SPRED2: variants seen among roughly 807,000 people sequenced by gnomAD.
SPRED2 encodes the protein sprouty-related, EVH1 domain-containing protein 2.
A neutral mutation model predicts 43.0 loss-of-function variants in SPRED2; 47 were observed. The ratio of observed to expected loss-of-function variants is 1.09; its 90% confidence interval spans 0.87 to 1.40. The LOEUF (loss-of-function observed/expected upper bound fraction) is 1.40. Among genes scored for constraint, SPRED2 ranks in the 40% most tolerant of loss-of-function variants. The pLI, the probability that SPRED2 is intolerant of heterozygous loss-of-function variation, is 0.00. For synonymous variants in SPRED2, 225 were observed against 225.7 expected (o/e 1.00, Z 0.03); for missense variants, 561 against 586.4 (o/e 0.96, Z 0.45).
chr2:65,431,894 C>T (rs1418834225), intron 1 of SPRED2, 68 bp downstream of exon 1: 20 of 1,583,536 alleles, frequency 1.3e-5, no homozygotes, highest in African/African-American at 2.7e-5. Flanking sequence ...TCCCCGCCCG[C>T]ATCCTCAGCC....
At chr2:65,329,036 A>G (rs753118616) in intron 4 of SPRED2, among the ~76,000 whole-genome samples, 2 of 152,160 alleles carry the variant, frequency 1.3e-5, no homozygotes, top group Non-Finnish European at 2.9e-5. Flanking sequence ...CAAAACCAAC[A>G]TTGTCTTGGT....
At chr2:65,325,546 T>C (rs1673585292) in intron 4 of SPRED2, among the ~76,000 whole-genome samples, 1 of 152,196 alleles carries the variant, frequency 6.6e-6, no homozygotes, top group Admixed American at 6.5e-5. Flanking sequence ...CCAAGGTCTG[T>C]TTGAGCCCTA....
intron 1 of SPRED2, among the ~76,000 whole-genome samples, chr2:65,418,198 G>A (rs963445820): frequency 4.6e-5 from 7 of 152,268 alleles, no homozygotes; most frequent in East Asian, 3.9e-4. Flanking sequence ...TCACTTCATC[G>A]TCTCTTTGTT....
chr2:65,344,854 T>A lies in SPRED2; in HGVS notation c.69A>T (p.Arg23Ser), dbSNP rs1226093734. ...IVRVKAVVMTRDDSSGGWFPQ... is the reference protein window; with the variant it reads ...IVRVKAVVMTSDDSSGGWFPQ... ...GGAACCATCCCCCGCTGGAGTCATC[T>A]CTGGTCATAACCACAGCCTTGACAC... Residue 23 changes from arginine (R) to serine (S), a missense_variant, in exon 2 of 6, where the codon AGA becomes AGT. This residue lies in a region of SPRED2 where 305 missense variants were observed against 282.4 expected (regional missense o/e 1.08). Transcript: ENST00000356388. 6.2e-7 allele frequency: 1 copy of A among 1,614,042 alleles called. No individual in the cohort carries two copies. The highest frequency in any genetic ancestry group is 8.5e-7 in the Non-Finnish European group (1 of 1,180,034).
intron 4 of SPRED2, among the ~76,000 whole-genome samples, chr2:65,321,860 C>T (rs528357728): frequency 6.6e-6 from 1 of 152,228 alleles, no homozygotes; most frequent in East Asian, 1.9e-4. Context: ...GCAACCTCCG[C>T]CTCCTGGGTT....
chr2:65,360,089 CAAAAAAAAAACAA>C (rs1674765489), intron 1 of SPRED2, among the ~76,000 whole-genome samples: 1 of 43,162 alleles, frequency 2.3e-5, no homozygotes, highest in African/African-American at 5.3e-5. Flanking sequence ...CAAAAAAAAA[CAAAAAAAAAACAA>C]AAAAAAAAAA....
intron 1 of SPRED2, among the ~76,000 whole-genome samples, chr2:65,410,023 T>C (rs1676118824): frequency 1.4e-5 from 2 of 144,086 alleles, no homozygotes; most frequent in African/African-American, 5.2e-5. Context: ...AGTGAGACTC[T>C]GCCTCGGAAA....
At chr2:65,425,115 G>C (rs1033735750) in intron 1 of SPRED2, among the ~76,000 whole-genome samples, 1 of 152,048 alleles carries the variant, frequency 6.6e-6, no homozygotes, top group Non-Finnish European at 1.5e-5. Context: ...AAAAGACAAA[G>C]ATGTCATTAC....
At chr2:65,352,485 G>C (rs1422342446) in intron 1 of SPRED2, among the ~76,000 whole-genome samples, 1 of 152,358 alleles carries the variant, frequency 6.6e-6, no homozygotes, top group Middle Eastern at 3.4e-3. Context: ...AGGGCACTAT[G>C]CTCTATGTTT....
intron 1 of SPRED2, among the ~76,000 whole-genome samples, chr2:65,389,264 G>C (rs1192088701): frequency 7.7e-6 from 1 of 129,318 alleles, no homozygotes; most frequent in African/African-American, 2.8e-5. Flanking sequence ...TTTTTTTTAA[G>C]GGAACACCTT....
intron 1 of SPRED2, chr2:65,366,717 A>T: frequency 1.3e-6 from 2 of 1,519,904 alleles, no homozygotes; most frequent in Non-Finnish European, 1.8e-6. Context: ...TGGCTGCCTG[A>T]GAAGTGGTTT....
chr2:65,431,536 G>T (rs1170278158), intron 1 of SPRED2, among the ~76,000 whole-genome samples: 1 of 152,248 alleles, frequency 6.6e-6, no homozygotes, highest in Non-Finnish European at 1.5e-5. Context: ...GTGGGCTCCG[G>T]AGCGGACTGC....
At chr2:65,336,494 T>C (rs1673970300) in intron 2 of SPRED2, among the ~76,000 whole-genome samples, 1 of 152,240 alleles carries the variant, frequency 6.6e-6, no homozygotes, top group Non-Finnish European at 1.5e-5. Flanking sequence ...TTACATTGTA[T>C]TGAGATCGGA....
In SPRED2 at chr2:65,424,178, G is replaced by T. The variant is rs1229701403; in HGVS notation, c.26+7784C>A. ...GGCTGGTGGCTTGGGATACTTAGCA[G>T]GGTCCCTTAGTGGCAGGGGAAGAGG... On this transcript the variant is annotated intron_variant, in intron 1 of 5. Coordinates refer to ENST00000356388, the MANE Select transcript of SPRED2 (RefSeq NM_181784.3). 1.1e-4 allele frequency among the ~76,000 whole-genome samples: 16 copies of T among 152,206 alleles called. No individual in the cohort carries two copies. The South Asian group carries it at 3.1e-3, about 30-fold the overall frequency.
intron 1 of SPRED2, among the ~76,000 whole-genome samples, chr2:65,384,126 C>T (rs775436404): frequency 2.6e-5 from 4 of 152,094 alleles, no homozygotes; most frequent in Non-Finnish European, 5.9e-5. Context: ...CCACCTGCAA[C>T]GGCCGCTCTC....
rs546046489 is a variant in SPRED2, at chr2:65,324,280, G to A, written c.439-7397C>T. ...GATGACAAATGAGAGCAACTCCATG[G>A]AGCTTCAAAACTTGAGACAGAATTT... On this transcript the variant is annotated intron_variant, in intron 4 of 5. Transcript: ENST00000356388. Among the ~76,000 whole-genome samples the A allele has an allele frequency of 3.3e-5, 5 of 152,258 alleles. 1 individual carries two copies. The South Asian group carries it at 1.0e-3, about 32-fold the overall frequency.
At chr2:65,366,439 G>T in intron 1 of SPRED2, 1 of 727,470 alleles carries the variant, frequency 1.4e-6, no homozygotes. Flanking sequence ...CTTGCACGTG[G>T]GCACACACAA....
chr2:65,404,720 G>C lies in SPRED2; in HGVS notation c.26+27242C>G, dbSNP rs140941112. ...CAACTTTGGGACACAAGATCAAAGA[G>C]AAGCCACCTAGCGAGCAAACAGGAC... On this transcript the variant is annotated intron_variant, in intron 1 of 5. Transcript: ENST00000356388. Among the ~76,000 whole-genome samples, 546 of 152,312 alleles carry C rather than the reference G, an allele frequency of 3.6e-3. 4 individuals carry two copies. Among genetic ancestry groups the C allele is most frequent in the African/African-American group, 0.012 (509 of 41,568 alleles).
chr2:65,339,745 AAAG>A (rs1293078474), intron 2 of SPRED2, among the ~76,000 whole-genome samples: 2 of 151,874 alleles, frequency 1.3e-5, no homozygotes, highest in East Asian at 1.9e-4. Context: ...AAAAAAAAAA[AAAG>A]AAAGTGAAAG....
Sources: gnomAD v4.1 joint callset for allele counts (sites outside exome capture counted in the v4.1 genomes callset) on GRCh38, gnomAD v4.1.1 for gene constraint, gnomAD v4.1.1 regional missense constraint, MANE v1.5 for transcripts, NCBI Gene and HGNC (gene_info 2026-07-23, HGNC 2026-07-21) for gene names.